The following GRK2 variants were observed in gnomAD, a reference collection of about 807,000 sequenced individuals.
GRK2 encodes G protein-coupled receptor kinase 2, also known as adrenergic beta receptor kinase 1.
GRK2 carries 23 observed loss-of-function variants against 97.8 expected under a neutral mutation model. The observed-to-expected ratio is 0.24, with a 90% CI of 0.17 to 0.33. GRK2 has a LOEUF of 0.33. Among genes scored for constraint, GRK2 ranks in the 10% least tolerant of loss-of-function variants. The pLI is 1.00. For missense variants in GRK2, 633 were observed against 956.9 expected (o/e 0.66, Z 4.47); for synonymous variants, 425 against 381.7 (o/e 1.11, Z -1.32).
chr11:67,277,738 CCCATGGGCCCTCT>C (rs1860065391), intron 2 of GRK2, among the ~76,000 whole-genome samples: 2 of 152,264 alleles, frequency 1.3e-5, no homozygotes, highest in African/African-American at 4.8e-5. Context: ...CCCGCCCCAC[CCCATGGGCCCTCT>C]TTGTAAGCAA....
At chr11:67,283,348 G>A (rs1860196465) in intron 15 of GRK2, 120 bp downstream of exon 15, 1 of 896,532 alleles carries the variant, frequency 1.1e-6, no homozygotes, top group Non-Finnish European at 1.8e-6. Flanking sequence ...TCATAAGTTG[G>A]GGCATGGCCA....
chr11:67,278,817 G>GT (rs1285162446), intron 2 of GRK2, among the ~76,000 whole-genome samples: 1 of 151,914 alleles, frequency 6.6e-6, no homozygotes, highest in African/African-American at 2.4e-5. Flanking sequence ...GCCCGCCCCG[G>GT]TGGGGGGTAT....
At chr11:67,280,194 A>G in intron 6 of GRK2, 1 of 480,450 alleles carries the variant, frequency 2.1e-6, no homozygotes, top group Non-Finnish European at 3.8e-6. Flanking sequence ...TGGGCTGTAT[A>G]GCACCTTGCT....
Position 67,282,042 on chromosome 11 carries a change from G to T in GRK2, c.957+90G>T. On this transcript the variant is annotated intron_variant, in intron 11 of 20. Transcript: ENST00000308595. The surrounding 1 kb of genome is among the most constrained non-coding windows in gnomAD (Gnocchi z 6.9). Reference sequence around the variant, plus strand: ...CGGCCACCAGGCCCAGAGGAGTGGGGCTCCTGGGACATGGCCGCCCCGTAT... The same window carrying T: ...CGGCCACCAGGCCCAGAGGAGTGGGTCTCCTGGGACATGGCCGCCCCGTAT... The T allele has an allele frequency of 6.4e-7, 1 of 1,551,654 alleles. No homozygotes were observed. Among genetic ancestry groups the T allele is most frequent in the East Asian group, 2.3e-5 (1 of 44,336 alleles).
intron 17 of GRK2, 71 bp from the exon 18 acceptor site, chr11:67,284,140 G>A: frequency 1.9e-6 from 3 of 1,589,742 alleles, no homozygotes; most frequent in Non-Finnish European, 2.6e-6. Context: ...CTGGGTCTGG[G>A]CAGCCTGTGG....
intron 17 of GRK2, 90 bp downstream of exon 17, chr11:67,284,039 G>GTGCCAGCCC (rs1363855256): frequency 1.3e-5 from 18 of 1,431,282 alleles, no homozygotes; most frequent in Non-Finnish European, 1.7e-5. Flanking sequence ...GTGAGACCCT[G>GTGCCAGCCC]TGCCAGCCCT....
In GRK2 at chr11:67,277,309, G is replaced by A; in HGVS notation, c.151G>A (p.Gly51Ser). The A allele has an allele frequency of 6.2e-7, 1 of 1,613,818 alleles. No individual in the cohort carries two copies. The highest frequency in any genetic ancestry group is 8.5e-7 in the Non-Finnish European group (1 of 1,179,986). ...CATGCAGAAGTACCTGGAGGACCGG[G>A]GCGAGGTGACCTTTGAGAAGATCTT... ...SVMQKYLEDRGEVTFEKIFSQ... is the reference protein window; with the variant it reads ...SVMQKYLEDRSEVTFEKIFSQ... Residue 51 changes from glycine to serine, a missense_variant, in exon 2 of 21, where the codon GGC becomes AGC. Physicochemically the swap from Gly to Ser is moderately conservative, Grantham distance 56 (BLOSUM62 0). Around this residue, in one of 4 missense-constraint regions of GRK2, gnomAD observed 193 missense variants for 212.2 expected, o/e 0.91. Transcript: ENST00000308595.
At chr11:67,268,257 G>A (rs1304080127) in intron 1 of GRK2, among the ~76,000 whole-genome samples, 1 of 152,178 alleles carries the variant, frequency 6.6e-6, no homozygotes, top group African/African-American at 2.4e-5. Flanking sequence ...GGCCCTCACC[G>A]CCCCCCTGTG....
chr11:67,279,441 G>A lies in GRK2; in HGVS notation c.288G>A (p.Glu96=), dbSNP rs1860101522. The A allele has an allele frequency of 1.2e-6, 2 of 1,613,202 alleles. No individual in the cohort carries two copies. Among genetic ancestry groups the A allele is most frequent in the Non-Finnish European group, 1.7e-6 (2 of 1,180,036 alleles). Residue 96 remains glutamate, a synonymous_variant, in exon 4 of 21, where the codon GAG becomes GAA. Transcript: ENST00000308595. The part of the protein sequence containing the change: ...YEEIKKYEKL[E]TEEERVARSR... ...AGATCAAGAAGTACGAGAAGCTGGA[G>A]ACGGAGGAGGAGCGTGTGGCCCGCA... is the stretch of plus-strand genomic sequence containing the variant.
At position 67,266,721 on chromosome 11, in the gene GRK2, C is replaced by T. The variant is rs370301772; in HGVS notation, c.22C>T (p.Leu8=). The T allele has an allele frequency of 2.2e-5, 29 of 1,312,910 alleles. No homozygotes were observed. The highest frequency in any genetic ancestry group is 3.5e-5 in the East Asian group (1 of 28,912). 81.3% of individuals were successfully genotyped at this position (1,312,910 alleles called of 1,614,324 possible). A position where few individuals can be genotyped will look rare whatever the true frequency, so the allele number is the denominator to read the frequency against. The change falls in exon 1 of 21, where the codon CTG becomes TTG. Residue 8 remains leucine, a synonymous_variant. Coordinates refer to ENST00000308595, the MANE Select transcript of GRK2 (RefSeq NM_001619.5). ...CAAGATGGCGGACCTGGAGGCGGTG[C>T]TGGCCGACGTGAGCTACCTGATGGC... MADLEAV[L]ADVSYLMAME...
At chr11:67,277,578 C>T (rs1267520640) in intron 2 of GRK2, among the ~76,000 whole-genome samples, 1 of 152,226 alleles carries the variant, frequency 6.6e-6, no homozygotes, top group Non-Finnish European at 1.5e-5. Flanking sequence ...CAGAGTCTTC[C>T]AGGGCCGCCA....
intron 1 of GRK2, among the ~76,000 whole-genome samples, chr11:67,274,473 C>T (rs559543387): frequency 4.9e-4 from 60 of 122,892 alleles, no homozygotes; most frequent in African/African-American, 1.6e-3. Context: ...CTGCCTGTCG[C>T]TACCTTCCGC....
chr11:67,281,870 C>T lies in GRK2; in HGVS notation c.875C>T (p.Ala292Val). Residue 292 changes from alanine to valine, a missense_variant, in exon 11 of 21, where the codon GCT becomes GTT. Physicochemically the swap from Ala to Val is moderately conservative, Grantham distance 64. This residue lies in a region of GRK2 where 192 missense variants were observed against 362.3 expected (regional missense o/e 0.53). Transcript: ENST00000308595. The surrounding 1 kb of genome is among the most constrained non-coding windows in gnomAD (Gnocchi z 5.7). ...HLSQHGVFSEADMRFYAAEII... is the reference protein window; with the variant it reads ...HLSQHGVFSEVDMRFYAAEII... The stretch of plus-strand genomic sequence containing the variant: ...TCCCAGCACGGGGTCTTCTCAGAGG[C>T]TGACATGCGCTTCTATGCGGCCGAG... The T allele has an allele frequency of 6.2e-7, 1 of 1,613,724 alleles. No homozygotes were observed. The highest frequency in any genetic ancestry group is 1.1e-5 in the South Asian group (1 of 91,090).
At chr11:67,280,937 G>C in intron 7 of GRK2, 154 bp downstream of exon 7, 1 of 1,123,078 alleles carries the variant, frequency 8.9e-7, no homozygotes, top group South Asian at 1.3e-5. Context: ...CGGGATCCCA[G>C]CATGGGGAGG....
rs775980850 is a variant in GRK2, at chr11:67,284,883, A to G, written c.1691A>G (p.Tyr564Cys). 6.2e-7 allele frequency: 1 copy of G among 1,613,436 alleles called. No individual in the cohort carries two copies. Among genetic ancestry groups the G allele is most frequent in the Admixed American group, 1.7e-5 (1 of 60,008 alleles). ...ALGKDCIMHG[Y>C]MSKMGNPFLT... is the part of the protein sequence containing the mutation. Reference sequence around the variant, plus strand: ...GGCAAGGACTGCATCATGCATGGCTACATGTCCAAGATGGGCAACCCCTTC... The same window carrying G: ...GGCAAGGACTGCATCATGCATGGCTGCATGTCCAAGATGGGCAACCCCTTC... Residue 564 changes from tyrosine (Y) to cysteine (C), a missense_variant, in exon 19 of 21, where the codon TAC (tyrosine) becomes TGC (cysteine). Physicochemically the swap from Tyr to Cys is radical, Grantham distance 194. Coordinates refer to ENST00000308595, the MANE Select transcript of GRK2 (RefSeq NM_001619.5).
intron 15 of GRK2, 142 bp downstream of exon 15, chr11:67,283,370 T>C: frequency 1.3e-6 from 1 of 761,128 alleles, no homozygotes; most frequent in Non-Finnish European, 2.2e-6. Context: ...CCCTGTCCAA[T>C]GTTCTCAGAG....
At chr11:67,268,239 A>G (rs1401497270) in intron 1 of GRK2, among the ~76,000 whole-genome samples, 2 of 152,208 alleles carry the variant, frequency 1.3e-5, no homozygotes, top group Non-Finnish European at 2.9e-5. Flanking sequence ...GGGGTGCCCC[A>G]TGCCCATGGC....
At chr11:67,277,087 G>A in intron 1 of GRK2, 185 bp from the exon 2 acceptor site, 1 of 531,162 alleles carries the variant, frequency 1.9e-6, no homozygotes, top group Admixed American at 3.4e-5. Flanking sequence ...GGGCGGTGCA[G>A]GCAAAGGCTT....
chr11:67,282,224 G>C lies in GRK2; in HGVS notation c.958-47G>C, dbSNP rs774064779. 3 of 1,576,608 alleles carry C rather than the reference G, an allele frequency of 1.9e-6. No individual in the cohort carries two copies. The highest frequency in any genetic ancestry group is 2.2e-5 in the East Asian group (1 of 44,676). On this transcript the variant is annotated intron_variant, in intron 11 of 20. Coordinates refer to ENST00000308595, the MANE Select transcript of GRK2 (RefSeq NM_001619.5). This position sits in a 1 kb window ranked among gnomAD's most constrained non-coding sequence, Gnocchi z 6.9. ...CCCAGCTGGCATCTTGCCTGGCTGG[G>C]CCCCATCCTGAGCTGCCCCAGGCAG...
Sources: gnomAD v4.1 joint callset for allele counts (sites outside exome capture counted in the v4.1 genomes callset) on GRCh38, gnomAD v4.1.1 for gene constraint, gnomAD v4.1.1 regional missense constraint, Gnocchi (gnomAD v3.1) non-coding constraint, MANE v1.5 for transcripts, NCBI Gene and HGNC (gene_info 2026-07-23, HGNC 2026-07-21) for gene names.